Variants in EGF observed in about 807,000 individuals in gnomAD.
EGF encodes epidermal growth factor.
A neutral mutation model predicts 143.8 loss-of-function variants in EGF; 95 were observed. The ratio of observed to expected loss-of-function variants is 0.66; its 90% CI spans 0.56 to 0.78. The LOEUF is 0.78. EGF is among the 30% of genes least tolerant of loss of function. EGF has a pLI of 0.00. For synonymous variants in EGF, 510 were observed against 510.5 expected (o/e 1.00, Z 0.01); for missense variants, 1,320 against 1,470.9 (o/e 0.90, Z 1.68).
At chr4:109,915,336 G>A (rs1736439970) in intron 1 of EGF, among the ~76,000 whole-genome samples, 1 of 152,202 alleles carries the variant, frequency 6.6e-6, no homozygotes. Flanking sequence ...GGAATCACAT[G>A]AGATAACCTA....
chr4:109,924,357 C>T (rs547833671), intron 1 of EGF, among the ~76,000 whole-genome samples: 9 of 151,572 alleles, frequency 5.9e-5, no homozygotes, highest in African/African-American at 9.8e-5. Context: ...AGTTTTAAGT[C>T]GGTTTAGGAA....
intron 10 of EGF, among the ~76,000 whole-genome samples, chr4:109,965,688 C>A (rs1190072374): frequency 6.6e-6 from 1 of 152,022 alleles, no homozygotes; most frequent in Non-Finnish European, 1.5e-5. Flanking sequence ...AAATTGTGAT[C>A]TTTGAGCCAG....
intron 20 of EGF, among the ~76,000 whole-genome samples, chr4:109,996,818 T>C (rs990655315): frequency 2.0e-5 from 3 of 152,222 alleles, no homozygotes; most frequent in African/African-American, 7.2e-5. Flanking sequence ...TTGGAGATGC[T>C]CAGGAGGCTC....
intron 12 of EGF, 76 bp from the exon 13 acceptor site, chr4:109,975,936 G>A (rs1271571661): frequency 6.8e-7 from 1 of 1,480,534 alleles, no homozygotes; most frequent in Admixed American, 1.7e-5. Flanking sequence ...AATTTACATT[G>A]ATATTTTCAA....
intron 23 of EGF, 73 bp downstream of exon 23, chr4:110,008,303 C>G (rs544634622): frequency 2.6e-6 from 4 of 1,521,182 alleles, no homozygotes; most frequent in East Asian, 2.3e-5. Context: ...AATGAAAAGT[C>G]TCATTTAACC....
intron 1 of EGF, among the ~76,000 whole-genome samples, chr4:109,927,421 A>C (rs1738868337): frequency 6.6e-6 from 1 of 151,816 alleles, no homozygotes; most frequent in Non-Finnish European, 1.5e-5. Context: ...CTAACTGGAG[A>C]TGTCCACCAA....
chr4:109,926,815 C>G (rs1444291214), intron 1 of EGF, among the ~76,000 whole-genome samples: 2 of 152,184 alleles, frequency 1.3e-5, no homozygotes, highest in Non-Finnish European at 2.9e-5. Context: ...GATGTTTTAA[C>G]AAGTGAGAAA....
At chr4:109,959,131 T>C in intron 5 of EGF, 181 bp from the exon 6 acceptor site, 1 of 828,054 alleles carries the variant, frequency 1.2e-6, no homozygotes, top group Non-Finnish European at 1.9e-6. Context: ...AGTAATACAA[T>C]TGGAGAAAAA....
At chr4:109,967,487 TTC>T (rs1463434058) in intron 10 of EGF, among the ~76,000 whole-genome samples, 1 of 152,216 alleles carries the variant, frequency 6.6e-6, no homozygotes, top group Non-Finnish European at 1.5e-5. Context: ...TCAGCTTTAT[TTC>T]TTTTTGCTTA....
At chr4:109,915,848 C>T (rs764024443) in intron 1 of EGF, among the ~76,000 whole-genome samples, 8 of 152,162 alleles carry the variant, frequency 5.3e-5, no homozygotes, top group African/African-American at 9.7e-5. Context: ...GACTGCTAGC[C>T]GGATAAACCA....
At chr4:109,926,723 A>T (rs1344543242) in intron 1 of EGF, among the ~76,000 whole-genome samples, 1 of 152,192 alleles carries the variant, frequency 6.6e-6, no homozygotes, top group Non-Finnish European at 1.5e-5. Flanking sequence ...CTTTTTAAAA[A>T]TTTTTGTGAT....
Position 109,993,455 on chromosome 4 carries a change from C to G in EGF, c.2857+86C>G, listed in dbSNP as rs1002153220. 30 of 1,561,292 alleles carry G rather than the reference C, an allele frequency of 1.9e-5. No homozygotes were observed. The Admixed American group carries it at 5.1e-4, about 27-fold the overall frequency. On this transcript the variant is annotated intron_variant, in intron 19 of 23. Coordinates refer to ENST00000265171, the MANE Select transcript of EGF (RefSeq NM_001963.6). ...CTAATCTCTATTTGCATTAGAGATT[C>G]TAAAAATCATTCAGTTCAGGCAGGC...
chr4:109,924,189 C>T (rs1336055974), intron 1 of EGF, among the ~76,000 whole-genome samples: 3 of 151,592 alleles, frequency 2.0e-5, no homozygotes, highest in Admixed American at 6.6e-5. Flanking sequence ...GAGATCTAGA[C>T]AGATGAAGTA....
chr4:109,918,057 G>A (rs746481796), intron 1 of EGF, among the ~76,000 whole-genome samples: 33 of 152,176 alleles, frequency 2.2e-4, no homozygotes, highest in Non-Finnish European at 4.3e-4. Context: ...ACATGAACAT[G>A]TGTATGTAAT....
chr4:109,940,883 T>C, intron 1 of EGF, 63 bp from the exon 2 acceptor site: 3 of 1,476,216 alleles, frequency 2.0e-6, no homozygotes, highest in African/African-American at 1.4e-5. Context: ...CATTGGGAAG[T>C]ATTTTGTTTA....
intron 1 of EGF, among the ~76,000 whole-genome samples, chr4:109,918,962 T>C (rs1040477814): frequency 2.0e-5 from 3 of 152,212 alleles, no homozygotes; most frequent in Non-Finnish European, 4.4e-5. Context: ...ACCTGCACCT[T>C]GGCCGCTTTC....
At chr4:109,999,374 T>C (rs565858675) in intron 20 of EGF, among the ~76,000 whole-genome samples, 1 of 152,316 alleles carries the variant, frequency 6.6e-6, no homozygotes, top group Non-Finnish European at 1.5e-5. Flanking sequence ...TTTTAAAAGG[T>C]GGCTCCTCAG....
At chr4:109,995,540 TCA>T (rs1751682606) in intron 20 of EGF, among the ~76,000 whole-genome samples, 1 of 152,206 alleles carries the variant, frequency 6.6e-6, no homozygotes. Flanking sequence ...CCCACTGTGC[TCA>T]CTCCGAAAAC....
chr4:110,001,923 C>G (rs762006519), intron 21 of EGF: 17 of 985,246 alleles, frequency 1.7e-5, no homozygotes, highest in Non-Finnish European at 1.8e-5. Context: ...ATCAGTGTAC[C>G]TGCTTACCTC....
Sources: gnomAD v4.1 joint callset for allele counts (sites outside exome capture counted in the v4.1 genomes callset) on GRCh38, gnomAD v4.1.1 for gene constraint, MANE v1.5 for transcripts, NCBI Gene and HGNC (gene_info 2026-07-23, HGNC 2026-07-21) for gene names.